LMO7: variants seen among roughly 807,000 people sequenced by gnomAD.
LMO7 encodes LIM domain 7, also known as LIM domain only protein 7.
In LMO7, 120 loss-of-function variants were observed where a neutral mutation model predicts 206.5. The ratio of observed to expected loss-of-function variants is 0.58; its 90% confidence interval spans 0.50 to 0.68. LMO7 has a LOEUF of 0.68. Among genes scored for constraint, LMO7 ranks in the 30% least tolerant of loss-of-function variants. The pLI, the probability that LMO7 is intolerant of heterozygous loss-of-function variation, is 0.00. For synonymous variants in LMO7, 706 were observed against 681.5 expected (o/e 1.04, Z -0.56); for missense variants, 1,959 against 1,957.9 (o/e 1.00, Z -0.01).
At chr13:75,803,136 T>C (rs1343372878) in intron 7 of LMO7, among the ~76,000 whole-genome samples, 1 of 152,226 alleles carries the variant, frequency 6.6e-6, no homozygotes, top group Non-Finnish European at 1.5e-5. Flanking sequence ...TATTGACTAC[T>C]ACTCCTCATG....
intron 1 of LMO7, among the ~76,000 whole-genome samples, chr13:75,694,948 G>A (rs1222134672): frequency 6.6e-6 from 1 of 152,166 alleles, no homozygotes; most frequent in Admixed American, 6.5e-5. Flanking sequence ...AACCTTCACA[G>A]TTTCGAGGGT....
chr13:75,666,923 T>C (rs2039124151), intron 1 of LMO7, among the ~76,000 whole-genome samples: 1 of 152,086 alleles, frequency 6.6e-6, no homozygotes, highest in Non-Finnish European at 1.5e-5. Context: ...TTGGGAGAGA[T>C]GTGGTGGCTC....
intron 15 of LMO7, among the ~76,000 whole-genome samples, chr13:75,832,601 T>C (rs2058764150): frequency 6.6e-6 from 1 of 152,176 alleles, no homozygotes; most frequent in Admixed American, 6.6e-5. Context: ...AAATTATGTG[T>C]CTGTGAACCA....
intron 4 of LMO7, among the ~76,000 whole-genome samples, chr13:75,782,983 G>C (rs191964984): frequency 6.6e-6 from 1 of 152,206 alleles, no homozygotes; most frequent in Non-Finnish European, 1.5e-5. Flanking sequence ...TTGGTGGGGA[G>C]TGGGGTCATT....
chr13:75,652,027 T>G (rs1162727894), intron 1 of LMO7, among the ~76,000 whole-genome samples: 1 of 152,234 alleles, frequency 6.6e-6, no homozygotes, highest in African/African-American at 2.4e-5. Context: ...TTGATAATGT[T>G]CAATTGTATC....
intron 3 of LMO7, among the ~76,000 whole-genome samples, chr13:75,757,737 A>G (rs1276147378): frequency 6.6e-6 from 1 of 152,042 alleles, no homozygotes; most frequent in Non-Finnish European, 1.5e-5. Flanking sequence ...TCATAGTCAT[A>G]GAAAAATTTA....
At chr13:75,733,561 C>G (rs574497017) in intron 3 of LMO7, among the ~76,000 whole-genome samples, 1 of 152,310 alleles carries the variant, frequency 6.6e-6, no homozygotes, top group South Asian at 2.1e-4. Context: ...AGGGAACTCC[C>G]TGACCCCTTG....
chr13:75,704,543 C>T (rs538596155), intron 1 of LMO7, among the ~76,000 whole-genome samples: 1 of 152,260 alleles, frequency 6.6e-6, no homozygotes, highest in Admixed American at 6.5e-5. Flanking sequence ...TCTTTTTGCA[C>T]AGGGGTTTGC....
chr13:75,783,615 A>G (rs1594958910), intron 4 of LMO7, among the ~76,000 whole-genome samples: 1 of 152,114 alleles, frequency 6.6e-6, no homozygotes, highest in Non-Finnish European at 1.5e-5. Context: ...GAGCCAACCT[A>G]CCGGGCCAGA....
intron 4 of LMO7, among the ~76,000 whole-genome samples, chr13:75,795,111 A>C (rs1423327265): frequency 6.6e-6 from 1 of 152,210 alleles, no homozygotes; most frequent in South Asian, 2.1e-4. Context: ...TGTATTTAAA[A>C]ATTAGACTGA....
intron 1 of LMO7, among the ~76,000 whole-genome samples, chr13:75,707,557 G>A (rs180747613): frequency 2.7e-4 from 41 of 152,098 alleles, no homozygotes; most frequent in African/African-American, 8.7e-4. Context: ...TGTTGTCCTA[G>A]TATAAATTCC....
intron 3 of LMO7, among the ~76,000 whole-genome samples, chr13:75,736,282 A>G (rs1374091063): frequency 6.6e-6 from 1 of 152,222 alleles, no homozygotes; most frequent in Non-Finnish European, 1.5e-5. Context: ...AAGAGTGACC[A>G]CAGCTGCAGA....
chr13:75,747,019 G>T (rs73225996), intron 3 of LMO7, among the ~76,000 whole-genome samples: 182 of 151,944 alleles, frequency 1.2e-3, no homozygotes, highest in Non-Finnish European at 1.8e-3. Flanking sequence ...TACTTAGTCC[G>T]GTTTGTACAT....
chr13:75,812,872 G>T (rs2056560862), intron 11 of LMO7, among the ~76,000 whole-genome samples: 1 of 152,202 alleles, frequency 6.6e-6, no homozygotes, highest in Non-Finnish European at 1.5e-5. Flanking sequence ...GATGTGATTT[G>T]CCAGCTAATC....
chr13:75,798,676 C>T (rs1299653366), intron 6 of LMO7, among the ~76,000 whole-genome samples: 1 of 152,326 alleles, frequency 6.6e-6, no homozygotes, highest in East Asian at 1.9e-4. Flanking sequence ...GTTCATCAGG[C>T]ATTTCCCATT....
intron 3 of LMO7, among the ~76,000 whole-genome samples, chr13:75,749,994 T>A (rs903652134): frequency 1.3e-5 from 2 of 152,120 alleles, no homozygotes; most frequent in African/African-American, 2.4e-5. Flanking sequence ...CAGAATAAGT[T>A]TATTATTAGC....
In LMO7 at chr13:75,669,786, C is replaced by G. The variant is rs187893537; in HGVS notation, c.69+33060C>G. ...TCCATGAGAATAGGGACTTATTTTT[C>G]CCTTTATTTTTGGTTTTATTTCCCT... On this transcript the variant is annotated intron_variant, in intron 1 of 30. Coordinates refer to ENST00000377534, the MANE Select transcript of LMO7 (RefSeq NM_001306080.2). Among the ~76,000 whole-genome samples, 70 of 152,142 alleles carry G rather than the reference C, an allele frequency of 4.6e-4. 1 individual carries two copies. The highest frequency in any genetic ancestry group is 8.2e-4 in the Non-Finnish European group (56 of 67,992).
At chr13:75,796,837 C>G in intron 6 of LMO7, 88 bp downstream of exon 6, 2 of 827,126 alleles carry the variant, frequency 2.4e-6, no homozygotes, top group East Asian at 2.6e-5. Context: ...TTCTCCTTCT[C>G]CTCTATAACA....
At chr13:75,776,183 AT>A (rs1409964107) in intron 4 of LMO7, among the ~76,000 whole-genome samples, 2 of 79,252 alleles carry the variant, frequency 2.5e-5, no homozygotes, top group African/African-American at 1.0e-4. Context: ...ATATATATAT[AT>A]ATATATATAT....
Sources: allele counts gnomAD v4.1 joint callset (sites outside exome capture counted in the v4.1 genomes callset), GRCh38; gene constraint gnomAD v4.1.1; transcripts MANE v1.5; gene names NCBI Gene and HGNC (gene_info 2026-07-23, HGNC 2026-07-21).